Variants in EYS observed in about 807,000 individuals in gnomAD.
EYS encodes protein eyes shut homolog.
Under a neutral mutation model 282.1 loss-of-function variants are expected in EYS, and 250 were observed. The observed-to-expected ratio is 0.89, with a 90% CI of 0.80 to 0.98. The LOEUF (loss-of-function observed/expected upper bound fraction) is 0.98, where lower values mean the gene tolerates loss of function less well. Among genes scored for constraint, EYS ranks in the 50% least tolerant of loss-of-function variants. The probability of loss-of-function intolerance (pLI) is 0.00; values close to 1 mark genes in which losing one functional copy is unlikely to be tolerated. For synonymous variants in EYS, 1,355 were observed against 1,282.9 expected (o/e 1.06, Z -1.20); for missense variants, 4,016 against 3,709.0 (o/e 1.08, Z -2.15).
At chr6:64,833,375 C>CTGA (rs1765281476) in intron 19 of EYS, among the ~76,000 whole-genome samples, 1 of 151,778 alleles carries the variant, frequency 6.6e-6, no homozygotes, top group Non-Finnish European at 1.5e-5. Flanking sequence ...ATAAACAAGG[C>CTGA]TGATAATCAG....
intron 33 of EYS, among the ~76,000 whole-genome samples, chr6:64,062,731 C>T (rs1395879684): frequency 6.6e-6 from 1 of 151,418 alleles, no homozygotes; most frequent in Non-Finnish European, 1.5e-5. Flanking sequence ...CTTATGTTCT[C>T]CCTTTTTCAT....
chr6:65,523,633 T>C (rs1212965826), intron 2 of EYS, among the ~76,000 whole-genome samples: 2 of 152,210 alleles, frequency 1.3e-5, no homozygotes, highest in African/African-American at 4.8e-5. Flanking sequence ...TGTATATGTC[T>C]ATAAAAAATT....
intron 26 of EYS, among the ~76,000 whole-genome samples, chr6:64,545,557 G>A (rs1247602615): frequency 6.6e-6 from 1 of 152,112 alleles, no homozygotes; most frequent in Admixed American, 6.6e-5. Context: ...AGGGTATTCA[G>A]TTAGGAAAAG....
At chr6:65,428,237 T>A (rs1227495649) in intron 5 of EYS, among the ~76,000 whole-genome samples, 1 of 152,112 alleles carries the variant, frequency 6.6e-6, no homozygotes, top group Non-Finnish European at 1.5e-5. Context: ...TGAAAATTTA[T>A]TCTAAAATAC....
intron 12 of EYS, among the ~76,000 whole-genome samples, chr6:65,126,839 G>T (rs1454267924): frequency 6.6e-6 from 1 of 152,120 alleles, no homozygotes; most frequent in African/African-American, 2.4e-5. Flanking sequence ...TGCTCAGAAA[G>T]CCCCTGCTAG....
intron 29 of EYS, among the ~76,000 whole-genome samples, chr6:64,308,705 T>A (rs1347153815): frequency 6.6e-6 from 1 of 152,072 alleles, no homozygotes; most frequent in Non-Finnish European, 1.5e-5. Flanking sequence ...TATATTTCAC[T>A]TTTTAAATCA....
Position 65,091,523 on chromosome 6 carries a change from A to G in EYS, c.2024-33796T>C, listed in dbSNP as rs1321313899. On this transcript the variant is annotated intron_variant, in intron 12 of 42. Transcript: ENST00000503581. ...TAAAAAGAAGTTAGATAATTCATAC[A>G]TGTATTTTGTTACGATTAAAAATAA... 5.9e-5 allele frequency among the ~76,000 whole-genome samples: 9 copies of G among 152,132 alleles called. No homozygotes were observed. The East Asian group carries it at 1.7e-3, about 29-fold the overall frequency.
chr6:65,610,384 T>C (rs1467393242), intron 2 of EYS, among the ~76,000 whole-genome samples: 2 of 152,138 alleles, frequency 1.3e-5, no homozygotes, highest in Non-Finnish European at 2.9e-5. Flanking sequence ...TTGCTAACAA[T>C]GAAATCTAAA....
chr6:65,198,664 AG>A (rs777891167), intron 12 of EYS, among the ~76,000 whole-genome samples: 4 of 152,164 alleles, frequency 2.6e-5, no homozygotes, highest in Admixed American at 6.6e-5. Context: ...TTTAATGTTA[AG>A]AGAGCAACAT....
chr6:64,234,426 CAG>C (rs1001029082), intron 30 of EYS, among the ~76,000 whole-genome samples: 3 of 135,650 alleles, frequency 2.2e-5, no homozygotes, highest in Non-Finnish European at 3.2e-5. Context: ...TTAAAATCTG[CAG>C]AGTGTTTTTA....
At chr6:64,865,430 C>T (rs988691747) in intron 19 of EYS, among the ~76,000 whole-genome samples, 1 of 151,924 alleles carries the variant, frequency 6.6e-6, no homozygotes, top group Non-Finnish European at 1.5e-5. Context: ...TAGAAATGCA[C>T]CCCAGGCATA....
At chr6:65,036,200 A>C (rs1772765891) in intron 13 of EYS, among the ~76,000 whole-genome samples, 1 of 151,734 alleles carries the variant, frequency 6.6e-6, no homozygotes, top group Admixed American at 6.6e-5. Flanking sequence ...TCTGATTTTC[A>C]ACAAAGTCAA....
intron 12 of EYS, among the ~76,000 whole-genome samples, chr6:65,127,853 T>C (rs967753171): frequency 6.6e-6 from 1 of 152,096 alleles, no homozygotes; most frequent in African/African-American, 2.4e-5. Context: ...TGTGCAACTT[T>C]CCTCTCACTG....
intron 26 of EYS, among the ~76,000 whole-genome samples, chr6:64,581,317 T>G (rs564678890): frequency 6.6e-6 from 1 of 152,018 alleles, no homozygotes; most frequent in African/African-American, 2.4e-5. Context: ...AATTACAAAA[T>G]AGTGGCACCA....
chr6:64,343,687 A>C (rs1412274388), intron 29 of EYS, among the ~76,000 whole-genome samples: 1 of 152,156 alleles, frequency 6.6e-6, no homozygotes, highest in Non-Finnish European at 1.5e-5. Flanking sequence ...AGCTAGCAGA[A>C]GGCAAGAAGT....
At chr6:64,471,206 T>C (rs1415084330) in intron 26 of EYS, among the ~76,000 whole-genome samples, 1 of 152,166 alleles carries the variant, frequency 6.6e-6, no homozygotes, top group Non-Finnish European at 1.5e-5. Context: ...CCCACGTTCC[T>C]TACTCTTATT....
At chr6:65,175,311 CAGG>C (rs1412270317) in intron 12 of EYS, among the ~76,000 whole-genome samples, 3 of 151,252 alleles carry the variant, frequency 2.0e-5, no homozygotes, top group Non-Finnish European at 3.0e-5. Flanking sequence ...AAGGCAAGCA[CAGG>C]AGATGTGCTT....
At chr6:65,213,813 G>GCACCT (rs1261120031) in intron 12 of EYS, among the ~76,000 whole-genome samples, 1 of 152,036 alleles carries the variant, frequency 6.6e-6, no homozygotes, top group African/African-American at 2.4e-5. Context: ...GAAGAGTAGT[G>GCACCT]CACCTCTCAG....
chr6:64,420,800 C>T (rs1365492156), intron 28 of EYS, among the ~76,000 whole-genome samples: 2 of 152,270 alleles, frequency 1.3e-5, no homozygotes, highest in African/African-American at 2.4e-5. Flanking sequence ...CCTTTATTCC[C>T]GTTCCCAATA....
Sources: allele counts gnomAD v4.1 joint callset (sites outside exome capture counted in the v4.1 genomes callset), GRCh38; gene constraint gnomAD v4.1.1; transcripts MANE v1.5; gene names NCBI Gene and HGNC (gene_info 2026-07-23, HGNC 2026-07-21).